Variants in CHRM2 observed in about 807,000 individuals in gnomAD.
CHRM2 encodes cholinergic receptor muscarinic 2.
A neutral mutation model predicts 25.0 loss-of-function variants in CHRM2; 8 were observed. The ratio of observed to expected loss-of-function variants is 0.32; its 90% confidence interval spans 0.19 to 0.58. The LOEUF (loss-of-function observed/expected upper bound fraction) is 0.58, where lower values mean the gene tolerates loss of function less well. CHRM2 is among the 20% of genes least tolerant of loss of function. The probability of loss-of-function intolerance (pLI) is 0.88; values close to 1 mark genes in which losing one functional copy is unlikely to be tolerated. For synonymous variants in CHRM2, 202 were observed against 205.7 expected (o/e 0.98, Z 0.15); for missense variants, 440 against 567.1 (o/e 0.78, Z 2.28).
intron 2 of CHRM2, among the ~76,000 whole-genome samples, chr7:136,967,183 G>T: frequency 6.6e-6 from 1 of 152,012 alleles, no homozygotes; most frequent in East Asian, 1.9e-4. Context: ...GGATAGCACT[G>T]TGGAAGGCAG....
At chr7:136,930,072 A>G (rs1798969771) in intron 2 of CHRM2, among the ~76,000 whole-genome samples, 1 of 152,106 alleles carries the variant, frequency 6.6e-6, no homozygotes, top group South Asian at 2.1e-4. Flanking sequence ...TTAATGAAAC[A>G]TAAAGAAGAA....
intron 2 of CHRM2, among the ~76,000 whole-genome samples, chr7:136,975,545 CA>C (rs1802052825): frequency 3.9e-5 from 6 of 152,254 alleles, no homozygotes; most frequent in African/African-American, 1.4e-4. Context: ...TACTAATCTG[CA>C]ATTTCCCCAA....
intron 2 of CHRM2, among the ~76,000 whole-genome samples, chr7:136,894,932 T>C (rs1249340059): frequency 6.6e-6 from 1 of 152,140 alleles, no homozygotes; most frequent in African/African-American, 2.4e-5. Context: ...ATGTTTGCAC[T>C]TCAGCTTGCT....
rs776903098 is a variant in CHRM2, at chr7:136,904,429, T to G, written c.-125+35011T>G. Among the ~76,000 whole-genome samples the G allele has an allele frequency of 8.5e-4, 130 of 152,084 alleles. No individual in the cohort carries two copies. The Middle Eastern group carries it at 0.02, about 24-fold the overall frequency. ...ATTTAAGAAAAATGCTTGTAGTATT[T>G]ATCAAATAATTGTGCATATGATTCT... On this transcript the variant is annotated intron_variant, in intron 2 of 3. Coordinates refer to ENST00000680005, the MANE Select transcript of CHRM2 (RefSeq NM_001006630.2).
chr7:136,949,478 A>AAAT (rs373501837), intron 2 of CHRM2, among the ~76,000 whole-genome samples: 1 of 150,272 alleles, frequency 6.7e-6, no homozygotes, highest in African/African-American at 2.5e-5. Context: ...AAAAAAAAAA[A>AAAT]TCAGCCAGGC....
intron 2 of CHRM2, among the ~76,000 whole-genome samples, chr7:136,946,271 C>T (rs1800067331): frequency 1.3e-5 from 2 of 152,196 alleles, no homozygotes; most frequent in Admixed American, 1.3e-4. Flanking sequence ...GAAACAGTAT[C>T]AAAATAGGTT....
intron 3 of CHRM2, among the ~76,000 whole-genome samples, chr7:137,012,841 T>C (rs970014917): frequency 3.9e-5 from 6 of 152,022 alleles, no homozygotes; most frequent in African/African-American, 1.4e-4. Context: ...TACATTTTTA[T>C]AGATACAGAT....
intron 2 of CHRM2, among the ~76,000 whole-genome samples, chr7:136,955,098 G>A (rs1800643175): frequency 6.6e-6 from 1 of 152,156 alleles, no homozygotes; most frequent in African/African-American, 2.4e-5. Context: ...TAGGATAAAT[G>A]AGCCGTAAAA....
intron 3 of CHRM2, among the ~76,000 whole-genome samples, chr7:137,008,832 C>T (rs997164379): frequency 2.0e-5 from 3 of 151,938 alleles, no homozygotes; most frequent in Admixed American, 2.0e-4. Flanking sequence ...TGTTATCAAC[C>T]ATGGATTCGT....
chr7:136,947,632 TCTG>T (rs1214110083), intron 2 of CHRM2, among the ~76,000 whole-genome samples: 1 of 152,210 alleles, frequency 6.6e-6, no homozygotes, highest in Non-Finnish European at 1.5e-5. Flanking sequence ...GTCTTGGATT[TCTG>T]CTAAGAAACC....
intron 2 of CHRM2, among the ~76,000 whole-genome samples, chr7:136,963,383 A>C (rs1288373063): frequency 6.6e-6 from 1 of 152,176 alleles, no homozygotes; most frequent in Non-Finnish European, 1.5e-5. Context: ...GCTCTTGAGG[A>C]ACTTACAATT....
chr7:136,987,198 T>C (rs1802914256), intron 2 of CHRM2, among the ~76,000 whole-genome samples: 1 of 152,224 alleles, frequency 6.6e-6, no homozygotes, highest in South Asian at 2.1e-4. Context: ...CTTTCCTCTG[T>C]GACCCTGCTC....
intron 2 of CHRM2, among the ~76,000 whole-genome samples, chr7:136,982,360 T>A (rs1234963092): frequency 2.0e-5 from 3 of 152,218 alleles, no homozygotes; most frequent in Non-Finnish European, 2.9e-5. Flanking sequence ...ATGGGTCTCC[T>A]GAATACAGCA....
intron 2 of CHRM2, among the ~76,000 whole-genome samples, chr7:136,985,485 G>A (rs1380864860): frequency 7.1e-6 from 1 of 140,406 alleles, no homozygotes; most frequent in Admixed American, 7.4e-5. Context: ...ATTCCAGCCT[G>A]GGTAACAGAG....
At chr7:136,942,070 A>G (rs1382189018) in intron 2 of CHRM2, among the ~76,000 whole-genome samples, 4 of 152,196 alleles carry the variant, frequency 2.6e-5, no homozygotes, top group Non-Finnish European at 1.5e-5. Flanking sequence ...CCACACCTCA[A>G]GAGGAAGTGG....
chr7:136,879,390 C>T (rs927660992), intron 2 of CHRM2, among the ~76,000 whole-genome samples: 1 of 151,936 alleles, frequency 6.6e-6, no homozygotes, highest in African/African-American at 2.4e-5. Flanking sequence ...GCCAAAGAGG[C>T]TAGATGTCCT....
At chr7:136,919,502 T>G (rs548010170) in intron 2 of CHRM2, among the ~76,000 whole-genome samples, 106 of 152,264 alleles carry the variant, frequency 7.0e-4, no homozygotes, top group African/African-American at 2.3e-3. Flanking sequence ...CTAGTCAAGT[T>G]GTTCTCCTGT....
At chr7:136,974,954 T>C (rs1802019291) in intron 2 of CHRM2, among the ~76,000 whole-genome samples, 1 of 152,150 alleles carries the variant, frequency 6.6e-6, no homozygotes, top group African/African-American at 2.4e-5. Context: ...ATATATAGAA[T>C]ATAAAAGAAA....
intron 2 of CHRM2, chr7:136,898,954 T>C (rs772244100): frequency 6.6e-6 from 1 of 152,074 alleles, no homozygotes; most frequent in Non-Finnish European, 1.5e-5. Flanking sequence ...TTAATTTATA[T>C]AGGAAGCAAA....
Sources: allele counts gnomAD v4.1 joint callset (sites outside exome capture counted in the v4.1 genomes callset), GRCh38; gene constraint gnomAD v4.1.1; transcripts MANE v1.5; gene names NCBI Gene and HGNC (gene_info 2026-07-23, HGNC 2026-07-21).